RPS6KC1: variants seen among roughly 807,000 people sequenced by gnomAD.
RPS6KC1 encodes inactive ribosomal protein S6 kinase delta-1.
Under a neutral mutation model 103.8 loss-of-function variants are expected in RPS6KC1, and 54 were observed. The ratio of observed to expected loss-of-function variants is 0.52; its 90% CI spans 0.42 to 0.65. The LOEUF (loss-of-function observed/expected upper bound fraction) is 0.65, where lower values mean the gene tolerates loss of function less well. RPS6KC1 is among the 30% of genes least tolerant of loss of function. The pLI, the probability that RPS6KC1 is intolerant of heterozygous loss-of-function variation, is 0.00. For missense variants in RPS6KC1, 1,151 were observed against 1,253.8 expected (o/e 0.92, Z 1.24); for synonymous variants, 439 against 438.7 (o/e 1.00, Z -0.01).
chr1:213,324,992 A>G, the RPS6KC1 span, among the ~76,000 whole-genome samples: 1 of 152,074 alleles, frequency 6.6e-6, no homozygotes, highest in African/African-American at 2.4e-5. Flanking sequence ...AAGGACCTCA[A>G]TCTCACCCAG....
At chr1:213,691,581 G>T in the RPS6KC1 span, among the ~76,000 whole-genome samples, 29 of 152,282 alleles carry the variant, frequency 1.9e-4, no homozygotes, top group African/African-American at 7.0e-4. Context: ...CAGTCTCAGA[G>T]AAGTGTTTCG....
At chr1:213,621,746 A>G in the RPS6KC1 span, among the ~76,000 whole-genome samples, 3 of 152,196 alleles carry the variant, frequency 2.0e-5, no homozygotes, top group African/African-American at 7.2e-5. Context: ...AATATAAGGT[A>G]TTTTAAGATG....
At chr1:213,192,388 C>G (rs1354064566) in intron 8 of RPS6KC1, among the ~76,000 whole-genome samples, 1 of 152,100 alleles carries the variant, frequency 6.6e-6, no homozygotes, top group African/African-American at 2.4e-5. Flanking sequence ...CGGGGTAATA[C>G]TAGCCTCATA....
chr1:213,845,367 T>C, the RPS6KC1 span, among the ~76,000 whole-genome samples: 1 of 152,286 alleles, frequency 6.6e-6, no homozygotes, highest in South Asian at 2.1e-4. Flanking sequence ...AATGCTTTCC[T>C]CCCTGGCCAC....
At chr1:213,200,693 A>G (rs971318733) in intron 8 of RPS6KC1, among the ~76,000 whole-genome samples, 1 of 152,188 alleles carries the variant, frequency 6.6e-6, no homozygotes, top group Non-Finnish European at 1.5e-5. Flanking sequence ...CTATCAACAA[A>G]CAGAATGGGA....
At chr1:213,469,117 A>G in the RPS6KC1 span, among the ~76,000 whole-genome samples, 1 of 152,084 alleles carries the variant, frequency 6.6e-6, no homozygotes, top group Non-Finnish European at 1.5e-5. Context: ...ACTGGAGTGC[A>G]AGGTTTATGC....
the RPS6KC1 span, among the ~76,000 whole-genome samples, chr1:213,310,548 T>A: frequency 6.6e-6 from 1 of 152,288 alleles, no homozygotes; most frequent in South Asian, 2.1e-4. Context: ...CCCATCACCC[T>A]TTTCTACTTA....
At chr1:213,463,905 T>C in the RPS6KC1 span, among the ~76,000 whole-genome samples, 2 of 152,236 alleles carry the variant, frequency 1.3e-5, no homozygotes, top group Non-Finnish European at 2.9e-5. Context: ...TAGGCCATTG[T>C]AGTCATTGAT....
the RPS6KC1 span, among the ~76,000 whole-genome samples, chr1:213,757,789 C>T: frequency 1.6e-4 from 25 of 152,262 alleles, no homozygotes; most frequent in South Asian, 2.3e-3. Context: ...CTTCAAAGGA[C>T]GGGCTGACTC....
the RPS6KC1 span, chr1:213,835,961 A>C: frequency 6.6e-6 from 1 of 152,088 alleles, no homozygotes; most frequent in African/African-American, 2.4e-5. Context: ...CCTCATTCAA[A>C]ATCATTGTTT....
chr1:213,154,139 C>G (rs1260158088), intron 6 of RPS6KC1, among the ~76,000 whole-genome samples: 1 of 96,606 alleles, frequency 1.0e-5, no homozygotes, highest in African/African-American at 5.4e-5. Flanking sequence ...TCTAAGCCAC[C>G]TAAAGCTGGA....
At chr1:213,626,467 T>C in the RPS6KC1 span, among the ~76,000 whole-genome samples, 2 of 152,200 alleles carry the variant, frequency 1.3e-5, no homozygotes, top group Non-Finnish European at 1.5e-5. Flanking sequence ...TTTGTTGTCA[T>C]TGCTTTTGGT....
intron 1 of RPS6KC1, among the ~76,000 whole-genome samples, chr1:213,056,385 C>T (rs1385759779): frequency 1.3e-5 from 2 of 152,156 alleles, no homozygotes; most frequent in Non-Finnish European, 2.9e-5. Flanking sequence ...CTTTTAATCC[C>T]AATGCTATGC....
intron 10 of RPS6KC1, among the ~76,000 whole-genome samples, chr1:213,239,553 T>A (rs955211789): frequency 3.9e-5 from 6 of 152,166 alleles, no homozygotes; most frequent in Non-Finnish European, 8.8e-5. Flanking sequence ...TTCCGTTGAC[T>A]TTTTTACACA....
chr1:213,464,850 T>C, the RPS6KC1 span, among the ~76,000 whole-genome samples: 9 of 152,056 alleles, frequency 5.9e-5, 1 homozygote, highest in East Asian at 1.4e-3. Flanking sequence ...GGTGCTACAG[T>C]GGATGGTGTG....
chr1:213,494,900 A>G, the RPS6KC1 span, among the ~76,000 whole-genome samples: 4 of 151,190 alleles, frequency 2.6e-5, no homozygotes, highest in Non-Finnish European at 4.5e-5. Context: ...TTTAATGATA[A>G]TTTTAAAATC....
chr1:213,676,482 A>G, the RPS6KC1 span, among the ~76,000 whole-genome samples: 1 of 152,234 alleles, frequency 6.6e-6, no homozygotes, highest in Non-Finnish European at 1.5e-5. Context: ...GTCAGACGGA[A>G]GGAGAGGATG....
At chr1:213,712,888 G>A in the RPS6KC1 span, among the ~76,000 whole-genome samples, 78 of 152,108 alleles carry the variant, frequency 5.1e-4, no homozygotes, top group African/African-American at 1.9e-3. Context: ...TAACTCATTG[G>A]AGATGCAGAA....
the RPS6KC1 span, among the ~76,000 whole-genome samples, chr1:213,607,389 C>T: frequency 6.6e-6 from 1 of 152,124 alleles, no homozygotes; most frequent in Non-Finnish European, 1.5e-5. Flanking sequence ...CCCTCTTTTA[C>T]AGAGGAGGAA....
Sources: gnomAD v4.1 joint callset for allele counts (sites outside exome capture counted in the v4.1 genomes callset) on GRCh38, gnomAD v4.1.1 for gene constraint, MANE v1.5 for transcripts, NCBI Gene and HGNC (gene_info 2026-07-23, HGNC 2026-07-21) for gene names.